The following ADAM19 variants were observed in gnomAD, a reference collection of about 807,000 sequenced individuals.
ADAM19 encodes disintegrin and metalloproteinase domain-containing protein 19.
ADAM19 carries 65 observed loss-of-function variants against 114.7 expected under a neutral mutation model. That is an observed-to-expected ratio of 0.57 (90% CI 0.46 to 0.70). The LOEUF (loss-of-function observed/expected upper bound fraction) is 0.70. Ranked by LOEUF, ADAM19 falls within the 30% of genes least tolerant of loss-of-function variation. The pLI is 0.00. For missense variants in ADAM19, 1,063 were observed against 1,204.7 expected (o/e 0.88, Z 1.74); for synonymous variants, 466 against 460.5 (o/e 1.01, Z -0.15).
intron 11 of ADAM19, among the ~76,000 whole-genome samples, chr5:157,503,862 A>G (rs1276418742): frequency 6.6e-6 from 1 of 152,240 alleles, no homozygotes; most frequent in Non-Finnish European, 1.5e-5. Context: ...GCCAACTCAT[A>G]AACGCATGCT....
At chr5:157,563,022 G>A (rs1030283773) in intron 3 of ADAM19, among the ~76,000 whole-genome samples, 4 of 152,050 alleles carry the variant, frequency 2.6e-5, no homozygotes, top group Non-Finnish European at 5.9e-5. Flanking sequence ...CAAAGCTGCC[G>A]TGAGCAACAA....
At chr5:157,506,813 A>G (rs1322010295) in intron 10 of ADAM19, among the ~76,000 whole-genome samples, 1 of 152,162 alleles carries the variant, frequency 6.6e-6, no homozygotes, top group Non-Finnish European at 1.5e-5. Context: ...TGATGTATGC[A>G]TGTAATCTCT....
intron 3 of ADAM19, among the ~76,000 whole-genome samples, chr5:157,548,886 G>A (rs1757117093): frequency 6.6e-6 from 1 of 152,140 alleles, no homozygotes; most frequent in Admixed American, 6.5e-5. Context: ...CCTCGGAGCT[G>A]GGAGAAAAGA....
At chr5:157,528,432 G>C (rs1424254954) in intron 5 of ADAM19, among the ~76,000 whole-genome samples, 2 of 152,370 alleles carry the variant, frequency 1.3e-5, no homozygotes, top group East Asian at 3.9e-4. Context: ...ACACCTGCAT[G>C]TTCTTTTTCC....
chr5:157,519,751 G>T, intron 6 of ADAM19, 88 bp downstream of exon 6: 1 of 1,268,502 alleles, frequency 7.9e-7, no homozygotes, highest in South Asian at 1.6e-5. Context: ...CTTCAATTTA[G>T]AAATACTCCT....
intron 5 of ADAM19, among the ~76,000 whole-genome samples, chr5:157,530,562 C>A (rs1756595711): frequency 6.6e-6 from 1 of 152,190 alleles, no homozygotes; most frequent in East Asian, 1.9e-4. Context: ...CCTTACCATA[C>A]CTAAATAATA....
intron 5 of ADAM19, among the ~76,000 whole-genome samples, chr5:157,526,863 T>C (rs10043045): frequency 0.45 from 68,963 of 151,824 alleles, 16,274 homozygotes; most frequent in African/African-American, 0.57. Flanking sequence ...TCAAGTGATC[T>C]GCCTGCCTCG....
intron 3 of ADAM19, among the ~76,000 whole-genome samples, chr5:157,539,562 C>A (rs1434479438): frequency 6.6e-6 from 1 of 152,206 alleles, no homozygotes; most frequent in Non-Finnish European, 1.5e-5. Context: ...TGTACTATGT[C>A]AAGGCCTTCA....
At chr5:157,520,223 A>G (rs573398977) in intron 5 of ADAM19, among the ~76,000 whole-genome samples, 192 bp from the exon 6 acceptor site, 1 of 152,184 alleles carries the variant, frequency 6.6e-6, no homozygotes, top group African/African-American at 2.4e-5. Flanking sequence ...AGAGGAATGC[A>G]CTTATACATA....
intron 5 of ADAM19, among the ~76,000 whole-genome samples, chr5:157,520,540 G>T (rs1756255536): frequency 3.9e-5 from 6 of 152,202 alleles, no homozygotes; most frequent in Admixed American, 1.3e-4. Flanking sequence ...GGTGACCGAG[G>T]TTCTGGATTT....
rs574035821 is a variant in ADAM19 at position 157,510,535 on chromosome 5, A to G, written c.739-1068T>C. On this transcript the variant is annotated intron_variant, in intron 8 of 22. Coordinates refer to ENST00000257527, the MANE Select transcript of ADAM19 (RefSeq NM_033274.5). Reference sequence around the variant, plus strand: ...TCCAGTGTTAGAATATTTTCATCACATCGGTGAGATCCCTCATGTCTATTG... The same window carrying G: ...TCCAGTGTTAGAATATTTTCATCACGTCGGTGAGATCCCTCATGTCTATTG... Among the ~76,000 whole-genome samples the G allele has an allele frequency of 2.6e-5, 4 of 152,228 alleles. No homozygotes were observed. The South Asian group carries it at 8.3e-4, about 31-fold the overall frequency.
chr5:157,566,431 C>T (rs1185313191), intron 2 of ADAM19: 2 of 152,160 alleles, frequency 1.3e-5, no homozygotes, highest in Non-Finnish European at 2.9e-5. Flanking sequence ...CATCTTTCCA[C>T]ATGTTTACAA....
chr5:157,556,147 C>T (rs531862510), intron 3 of ADAM19, among the ~76,000 whole-genome samples: 2 of 149,992 alleles, frequency 1.3e-5, no homozygotes, highest in East Asian at 4.0e-4. Context: ...GCTCAAGTGA[C>T]TCTTCTTTAC....
chr5:157,505,784 C>A lies in ADAM19; in HGVS notation c.1015G>T (p.Val339Leu). The change falls in exon 11 of 23, where the codon GTG becomes TTG. Residue 339 changes from valine (V) to leucine (L), a missense_variant. By Grantham distance (32) the Val-to-Leu change is conservative (BLOSUM62 1). Coordinates refer to ENST00000257527, the MANE Select transcript of ADAM19 (RefSeq NM_033274.5). ...NMDHSENAIG[V>L]AATMAHEMGH... ...ATCTCGTGGGCCATGGTGGCAGCCA[C>A]GCCAATGGCATTCTCGGAGTGGTCC... The A allele has an allele frequency of 6.2e-7, 1 of 1,614,094 alleles. No homozygotes were observed. Among genetic ancestry groups the A allele is most frequent in the Non-Finnish European group, 8.5e-7 (1 of 1,179,982 alleles).
chr5:157,486,323 A>T (rs1754929064), intron 21 of ADAM19, among the ~76,000 whole-genome samples: 1 of 152,090 alleles, frequency 6.6e-6, no homozygotes, highest in African/African-American at 2.4e-5. Context: ...CAATGTCATC[A>T]CAGCAGCCCC....
At chr5:157,542,632 G>A (rs763839553) in intron 3 of ADAM19, among the ~76,000 whole-genome samples, 20 of 152,222 alleles carry the variant, frequency 1.3e-4, no homozygotes, top group Non-Finnish European at 2.4e-4. Context: ...ACAACAGGGC[G>A]AAAGCCCGTC....
At chr5:157,489,885 G>A (rs562198370) in intron 19 of ADAM19, among the ~76,000 whole-genome samples, 58 of 152,340 alleles carry the variant, frequency 3.8e-4, no homozygotes, top group Admixed American at 7.8e-4. Flanking sequence ...TACTCAGGAC[G>A]CTGAGGCAGG....
At chr5:157,571,622 TA>T (rs2113802458) in intron 1 of ADAM19, among the ~76,000 whole-genome samples, 1 of 152,146 alleles carries the variant, frequency 6.6e-6, no homozygotes, top group African/African-American at 2.4e-5. Flanking sequence ...GTGTTAAGTT[TA>T]AAAAAGATCA....
rs1166867894 is a variant in ADAM19 at position 157,575,586 on chromosome 5, C to G, written c.94+17G>C. 2 of 1,455,826 alleles carry G rather than the reference C, an allele frequency of 1.4e-6. No homozygotes were observed. The highest frequency in any genetic ancestry group is 2.6e-5 in the Admixed American group (1 of 39,122). 90.2% of individuals were successfully genotyped at this position (1,455,826 alleles called of 1,614,324 possible). On this transcript the variant is annotated intron_variant, in intron 1 of 22. Transcript: ENST00000257527. ...CCGGGCCACCCAGCCTCCATCCCCC[C>G]GCGCCTGGCCACTTACTTGTCCATC...
Sources: gnomAD v4.1 joint callset for allele counts (sites outside exome capture counted in the v4.1 genomes callset) on GRCh38, gnomAD v4.1.1 for gene constraint, MANE v1.5 for transcripts, NCBI Gene and HGNC (gene_info 2026-07-23, HGNC 2026-07-21) for gene names.